HKDC1: variants seen among roughly 807,000 people sequenced by gnomAD.
HKDC1 encodes hexokinase HKDC1.
A neutral mutation model predicts 96.6 loss-of-function variants in HKDC1; 66 were observed. The ratio of observed to expected loss-of-function variants is 0.68; its 90% CI spans 0.56 to 0.84. The LOEUF is 0.84. HKDC1 is among the 40% of genes least tolerant of loss of function. HKDC1 has a pLI of 0.00. For missense variants in HKDC1, 1,211 were observed against 1,208.1 expected (o/e 1.00, Z -0.04); for synonymous variants, 466 against 473.1 (o/e 0.98, Z 0.20).
At position 69,248,721 on chromosome 10, in the gene HKDC1, C is replaced by T. The variant is rs754473777; in HGVS notation, c.1563C>T (p.Asp521=). ...CCACCTACGTCTGCGGGCTGCCGGA[C>T]GGCACAGGTGGGCCAGCACAGCCTC... is the stretch of plus-strand genomic sequence containing the variant. The part of the protein sequence containing the change: ...MLPTYVCGLP[D]GTEKGKFLAL... Residue 521 remains aspartate (D), a synonymous_variant, in exon 10 of 18, where the codon GAC becomes GAT. Coordinates refer to ENST00000354624, the MANE Select transcript of HKDC1 (RefSeq NM_025130.4). 51 of 1,604,518 alleles carry T rather than the reference C, an allele frequency of 3.2e-5. No homozygotes were observed. Among genetic ancestry groups the T allele is most frequent in the Admixed American group, 1.0e-4 (6 of 59,580 alleles).
rs775404201 is a variant in HKDC1, at chr10:69,265,705, G to C, written c.2493G>C (p.Gln831His). The change falls in exon 17 of 18, where the codon CAG becomes CAC. Residue 831 changes from glutamine to histidine, a missense_variant. Gln to His is a conservative substitution (Grantham distance 24, BLOSUM62 0). Coordinates refer to ENST00000354624, the MANE Select transcript of HKDC1 (RefSeq NM_025130.4). ...VCGAVSRRAA[Q>H]LCGAGLAAIV... ...GAGCCGTGTCCCGGCGGGCGGCCCA[G>C]CTCTGCGGTGCTGGCCTGGCCGCTA... 18 of 1,613,318 alleles carry C rather than the reference G, an allele frequency of 1.1e-5. No individual in the cohort carries two copies. The highest frequency in any genetic ancestry group is 1.5e-5 in the Non-Finnish European group (18 of 1,179,860).
rs922618101 is a variant in HKDC1 at position 69,231,630 on chromosome 10, G to A, written c.227-1134G>A. On this transcript the variant is annotated intron_variant, in intron 2 of 17. Transcript: ENST00000354624. ...TGTGCCTCTCACAATCTGAGCACTGGTCCTACTATATGGAAATAGCTGATT... is the reference window on the plus strand; with the variant it reads ...TGTGCCTCTCACAATCTGAGCACTGATCCTACTATATGGAAATAGCTGATT... Among the ~76,000 whole-genome samples the A allele has an allele frequency of 4.6e-5, 7 of 152,104 alleles. No homozygotes were observed. In the South Asian group the frequency reaches 1.5e-3, roughly 32 times the overall value.
In HKDC1 at chr10:69,248,514, G is replaced by A. The variant is rs755800739; in HGVS notation, c.1356G>A (p.Gly452=). 1.2e-6 allele frequency: 2 copies of A among 1,613,038 alleles called. No homozygotes were observed. Among genetic ancestry groups the A allele is most frequent in the East Asian group, 2.2e-5 (1 of 44,890 alleles). Residue 452 remains glycine (G), a synonymous_variant, in exon 10 of 18, where the codon GGG becomes GGA. Transcript: ENST00000354624. The stretch of plus-strand genomic sequence containing the variant: ...TGTCAGAGAGTGGCAGCACCAAGGG[G>A]GCCGCCATGGTGACCGCGGTGGCCT... The part of the protein sequence containing the change: ...FLLSESGSTK[G]AAMVTAVASR...
At chr10:69,236,043 C>A (rs1843355532) in intron 4 of HKDC1, among the ~76,000 whole-genome samples, 1 of 152,104 alleles carries the variant, frequency 6.6e-6, no homozygotes, top group African/African-American at 2.4e-5. Context: ...ATAAGCTCCC[C>A]AACTACAGTG....
At position 69,261,279 on chromosome 10, in the gene HKDC1, T is replaced by C. The variant is rs1843805731; in HGVS notation, c.2357T>C (p.Leu786Pro). 1 of 1,614,066 alleles carries C rather than the reference T, an allele frequency of 6.2e-7. No individual in the cohort carries two copies. The highest frequency in any genetic ancestry group is 8.5e-7 in the Non-Finnish European group (1 of 1,179,924). The change falls in exon 16 of 18, where the codon CTG becomes CCG. Residue 786 changes from leucine (L) to proline (P), a missense_variant. Physicochemically the swap from Leu to Pro is moderately conservative, Grantham distance 98. Transcript: ENST00000354624. ...AGGGGCATCTTCGAAACCAAGTTCC[T>C]GTCCCAGATCGAAAGGTGACCTGTG... Reference protein sequence around the residue: ...RTRGIFETKFLSQIESDRLAL... With the variant: ...RTRGIFETKFPSQIESDRLAL...
At chr10:69,261,041 A>G in intron 15 of HKDC1, 98 bp from the exon 16 acceptor site, 1 of 1,090,234 alleles carries the variant, frequency 9.2e-7, no homozygotes, top group Non-Finnish European at 1.4e-6. Context: ...TAGGATCTGG[A>G]TCTTGCTCCA....
At chr10:69,258,680 G>T in intron 14 of HKDC1, 96 bp from the exon 15 acceptor site, 1 of 1,267,146 alleles carries the variant, frequency 7.9e-7, no homozygotes, top group South Asian at 1.2e-5. Flanking sequence ...AGTTGTATCT[G>T]ACTCCAAGCT....
chr10:69,257,037 G>C lies in HKDC1; in HGVS notation c.1838G>C (p.Gly613Ala), dbSNP rs1843726953. Residue 613 changes from glycine to alanine, a missense_variant and splice_region_variant, in exon 13 of 18, where the codon GGA (glycine) becomes GCA (alanine). Transcript: ENST00000354624. ...FPCRQMSIDK[G>A]TLIGWTKGFK... is the part of the protein sequence containing the mutation. ...TGAATTTCCCCTCCTTTCTTTCAGG[G>C]AACACTCATAGGGTGGACCAAAGGT... The C allele has an allele frequency of 2.5e-6, 4 of 1,613,052 alleles. No homozygotes were observed. In the South Asian group the frequency reaches 4.4e-5, roughly 18 times the overall value.
At chr10:69,243,611 C>G (rs370711806) in intron 7 of HKDC1, among the ~76,000 whole-genome samples, 1 of 152,030 alleles carries the variant, frequency 6.6e-6, no homozygotes, top group East Asian at 1.9e-4. Flanking sequence ...ATCCTCCCAC[C>G]TCAGTCTCCA....
chr10:69,261,781 G>A (rs1430322101), intron 16 of HKDC1: 3 of 173,642 alleles, frequency 1.7e-5, no homozygotes, highest in African/African-American at 7.2e-5. Context: ...ACTGCATTTG[G>A]TTGATATGCT....
chr10:69,225,222 C>G (rs1189261812), intron 1 of HKDC1, among the ~76,000 whole-genome samples: 1 of 152,182 alleles, frequency 6.6e-6, no homozygotes, highest in Admixed American at 6.5e-5. Flanking sequence ...GTTTTTTATA[C>G]TCTCAGGCTA....
chr10:69,227,010 G>A (rs9645501), intron 1 of HKDC1, among the ~76,000 whole-genome samples, 197 bp from the exon 2 acceptor site: 64,982 of 151,960 alleles, frequency 0.43, 16,566 homozygotes, highest in Non-Finnish European at 0.58. Context: ...TCAGCCCTCC[G>A]TTCCATTCTG....
chr10:69,264,197 C>CTGTGTG (rs34401681), intron 16 of HKDC1, among the ~76,000 whole-genome samples: 4,514 of 139,416 alleles, frequency 0.032, 94 homozygotes, highest in Middle Eastern at 0.047. Flanking sequence ...AGATTTCCTT[C>CTGTGTG]TGTGTGTGTG....
At chr10:69,226,117 T>C (rs1243176875) in intron 1 of HKDC1, 1 of 152,118 alleles carries the variant, frequency 6.6e-6, no homozygotes, top group Non-Finnish European at 1.5e-5. Context: ...CAGCACCAAT[T>C]GATTAGTGTT....
intron 4 of HKDC1, among the ~76,000 whole-genome samples, chr10:69,236,780 CA>C (rs11294938): frequency 0.53 from 70,187 of 133,602 alleles, 17,429 homozygotes; most frequent in East Asian, 0.76. Context: ...AACTTCGTTT[CA>C]AAAAAAAAAA....
At chr10:69,239,004 C>A (rs755780687) in intron 4 of HKDC1, 38 bp from the exon 5 acceptor site, 3 of 1,468,952 alleles carry the variant, frequency 2.0e-6, no homozygotes, top group South Asian at 1.2e-5. Flanking sequence ...CATCTCAGCA[C>A]GTCTTTCATT....
chr10:69,225,597 G>A (rs1242301786), intron 1 of HKDC1, among the ~76,000 whole-genome samples: 1 of 152,150 alleles, frequency 6.6e-6, no homozygotes, highest in African/African-American at 2.4e-5. Flanking sequence ...TCGTTGTCAC[G>A]AGACTGAGCT....
At chr10:69,232,429 C>A in intron 2 of HKDC1, 1 of 245,560 alleles carries the variant, frequency 4.1e-6, no homozygotes. Flanking sequence ...TGATGGCATC[C>A]CAGGATGGGC....
At chr10:69,234,598 T>C (rs1843333530) in intron 4 of HKDC1, among the ~76,000 whole-genome samples, 1 of 152,240 alleles carries the variant, frequency 6.6e-6, no homozygotes, top group African/African-American at 2.4e-5. Context: ...ATCTGCTTGT[T>C]GGGCTGAGGT....
Sources: gnomAD v4.1 joint callset for allele counts (sites outside exome capture counted in the v4.1 genomes callset) on GRCh38, gnomAD v4.1.1 for gene constraint, MANE v1.5 for transcripts, NCBI Gene and HGNC (gene_info 2026-07-23, HGNC 2026-07-21) for gene names.